Variants in SCN8A observed in about 807,000 individuals in gnomAD.
The protein encoded by SCN8A is sodium voltage-gated channel alpha subunit 8.
A neutral mutation model predicts 184.1 loss-of-function variants in SCN8A; 30 were observed. That is an observed-to-expected ratio of 0.16 (90% CI 0.12 to 0.22). The LOEUF (loss-of-function observed/expected upper bound fraction) is 0.22. Ranked by LOEUF, SCN8A falls within the 10% of genes least tolerant of loss-of-function variation. The pLI, the probability that SCN8A is intolerant of heterozygous loss-of-function variation, is 1.00. For missense variants in SCN8A, 1,057 were observed against 2,498.9 expected (o/e 0.42, Z 12.30); for synonymous variants, 852 against 907.0 (o/e 0.94, Z 1.09).
At chr12:51,709,292 G>A (rs925039592) in intron 11 of SCN8A, among the ~76,000 whole-genome samples, 1 of 152,202 alleles carries the variant, frequency 6.6e-6, no homozygotes, top group African/African-American at 2.4e-5. Flanking sequence ...TGAGCTGAGA[G>A]GTGGTGATTG....
intron 6 of SCN8A, among the ~76,000 whole-genome samples, chr12:51,698,835 T>C (rs909703130): frequency 6.6e-6 from 1 of 152,250 alleles, no homozygotes; most frequent in Non-Finnish European, 1.5e-5. Context: ...ACCTTGGCAT[T>C]TCCAGAATCC....
intron 12 of SCN8A, 195 bp downstream of exon 12, chr12:51,722,103 T>C: frequency 2.5e-6 from 2 of 814,876 alleles, no homozygotes; most frequent in Non-Finnish European, 3.8e-6. Context: ...TCTATTTCTC[T>C]CTTCAGTTTT....
intron 1 of SCN8A, among the ~76,000 whole-genome samples, chr12:51,593,846 A>C (rs1427341793): frequency 1.3e-5 from 2 of 152,222 alleles, no homozygotes; most frequent in African/African-American, 4.8e-5. Flanking sequence ...TACAGGCTGC[A>C]ACAGATCCAT....
chr12:51,659,547 C>G (rs748651855), intron 1 of SCN8A, among the ~76,000 whole-genome samples: 1 of 152,132 alleles, frequency 6.6e-6, no homozygotes, highest in African/African-American at 2.4e-5. Context: ...ATGATGCATA[C>G]GGTTGTAGAA....
At chr12:51,633,552 G>A (rs540913727) in intron 1 of SCN8A, among the ~76,000 whole-genome samples, 2 of 152,276 alleles carry the variant, frequency 1.3e-5, no homozygotes, top group South Asian at 4.1e-4. Flanking sequence ...TCTCCTTGGT[G>A]CTCTGTCTTT....
At chr12:51,689,166 A>C in intron 6 of SCN8A, 70 bp downstream of exon 6, 1 of 1,146,606 alleles carries the variant, frequency 8.7e-7, no homozygotes, top group Admixed American at 2.0e-5. Context: ...TTTGTCCACC[A>C]TTCTAAAGCA....
chr12:51,614,090 T>C (rs1012045780), intron 1 of SCN8A, among the ~76,000 whole-genome samples: 5 of 152,168 alleles, frequency 3.3e-5, no homozygotes, highest in Non-Finnish European at 7.4e-5. Flanking sequence ...TTAGTTTCTC[T>C]GTATCCCTGA....
At position 51,809,282 on chromosome 12, in the gene SCN8A, AGAGACTTTAGCATGT is replaced by A. The variant is rs1296226588; in HGVS notation, c.*1856_*1870del. 1 of 152,244 alleles carries A rather than the reference AGAGACTTTAGCATGT, an allele frequency of 6.6e-6. No individual in the cohort carries two copies. The highest frequency in any genetic ancestry group is 1.9e-4 in the East Asian group (1 of 5,202). 9.4% of individuals were successfully genotyped at this position (152,244 alleles called of 1,614,324 possible). ...GGAAGTCTCTATACAAAGAGTGAAA[AGAGACTTTAGCATGT>A]GAACCAAATCCAAATAAATTCTTCC... On this transcript the variant is annotated 3_prime_UTR_variant, in exon 27 of 27. Coordinates refer to ENST00000627620, the MANE Select transcript of SCN8A (RefSeq NM_001330260.2).
At chr12:51,727,450 G>A (rs1045056069) in intron 12 of SCN8A, among the ~76,000 whole-genome samples, 2 of 152,080 alleles carry the variant, frequency 1.3e-5, no homozygotes, top group African/African-American at 4.8e-5. Context: ...AGAAGGGGAG[G>A]GAAAGGGTAT....
intron 12 of SCN8A, among the ~76,000 whole-genome samples, chr12:51,735,745 G>A (rs1231782203): frequency 2.0e-5 from 3 of 152,150 alleles, no homozygotes; most frequent in African/African-American, 7.2e-5. Flanking sequence ...CTGCAACCGG[G>A]GGGTCCTCGG....
intron 2 of SCN8A, among the ~76,000 whole-genome samples, chr12:51,676,616 G>C (rs772384334): frequency 1.1e-4 from 17 of 152,320 alleles, no homozygotes; most frequent in Admixed American, 2.0e-4. Context: ...CATATATTTT[G>C]TTTAGGCAGG....
intron 12 of SCN8A, among the ~76,000 whole-genome samples, chr12:51,734,333 G>A (rs1234473755): frequency 6.6e-6 from 1 of 152,172 alleles, no homozygotes; most frequent in African/African-American, 2.4e-5. Context: ...GCCCCAAACA[G>A]AGATTTACCC....
At chr12:51,788,607 G>T (rs945085926) in intron 22 of SCN8A, 88 bp from the exon 23 acceptor site, 3 of 978,564 alleles carry the variant, frequency 3.1e-6, no homozygotes, top group East Asian at 2.8e-5. Context: ...TGTTCTCACT[G>T]AACCTAAGCC....
At chr12:51,781,184 G>C (rs1215344778) in intron 21 of SCN8A, among the ~76,000 whole-genome samples, 1 of 152,134 alleles carries the variant, frequency 6.6e-6, no homozygotes, top group Non-Finnish European at 1.5e-5. Flanking sequence ...AGCCAGGTGG[G>C]GACTGTGGCC....
chr12:51,660,418 CAG>C (rs1940904442), intron 1 of SCN8A, among the ~76,000 whole-genome samples: 1 of 152,198 alleles, frequency 6.6e-6, no homozygotes, highest in African/African-American at 2.4e-5. Context: ...TGCGTAGGAA[CAG>C]AGAGTGACCT....
intron 12 of SCN8A, among the ~76,000 whole-genome samples, chr12:51,743,374 T>A (rs922155741): frequency 1.3e-5 from 2 of 152,186 alleles, no homozygotes; most frequent in Admixed American, 1.3e-4. Flanking sequence ...TTCTAGGTAT[T>A]CGAAGGAATT....
At chr12:51,591,817 C>T (rs1449833565) in intron 1 of SCN8A, among the ~76,000 whole-genome samples, 4 of 151,694 alleles carry the variant, frequency 2.6e-5, no homozygotes, top group African/African-American at 9.7e-5. Flanking sequence ...CTTACTGCAT[C>T]CTTCTCCCTC....
At chr12:51,616,102 T>C (rs1305634646) in intron 1 of SCN8A, among the ~76,000 whole-genome samples, 1 of 152,204 alleles carries the variant, frequency 6.6e-6, no homozygotes, top group Non-Finnish European at 1.5e-5. Flanking sequence ...ATTTACCACT[T>C]CTATTGCTCT....
chr12:51,745,694 A>G (rs1404576338), intron 12 of SCN8A, among the ~76,000 whole-genome samples: 3 of 152,112 alleles, frequency 2.0e-5, no homozygotes, highest in Non-Finnish European at 4.4e-5. Flanking sequence ...ATTCACACAG[A>G]CTTAAATGAC....
Sources: gnomAD v4.1 joint callset for allele counts (sites outside exome capture counted in the v4.1 genomes callset) on GRCh38, gnomAD v4.1.1 for gene constraint, MANE v1.5 for transcripts, NCBI Gene and HGNC (gene_info 2026-07-23, HGNC 2026-07-21) for gene names.